The following PDE8B variants were observed in gnomAD, a reference collection of about 807,000 sequenced individuals.
The protein encoded by PDE8B is high affinity cAMP-specific and IBMX-insensitive 3',5'-cyclic phosphodiesterase 8B.
Under a neutral mutation model 101.3 loss-of-function variants are expected in PDE8B, and 26 were observed. The ratio of observed to expected loss-of-function variants is 0.26; its 90% confidence interval spans 0.19 to 0.36. The LOEUF is 0.36. Among genes scored for constraint, PDE8B ranks in the 10% least tolerant of loss-of-function variants. The pLI is 1.00. For missense variants in PDE8B, 810 were observed against 1,163.1 expected (o/e 0.70, Z 4.42); for synonymous variants, 424 against 429.3 (o/e 0.99, Z 0.15).
the PDE8B span, among the ~76,000 whole-genome samples, chr5:77,097,317 T>C: frequency 6.6e-6 from 1 of 152,102 alleles, no homozygotes; most frequent in Non-Finnish European, 1.5e-5. Flanking sequence ...TCAGAATTAC[T>C]TTTTTTGAGG....
rs947734517 is a variant in PDE8B, at chr5:77,425,706, G to T, written c.2419-61G>T. 5 of 1,551,012 alleles carry T rather than the reference G, an allele frequency of 3.2e-6. No homozygotes were observed. The African/African-American group carries it at 6.8e-5, about 21-fold the overall frequency. ...TTCACAGGGTTGTTCTGAGAAACAGGATATTACTGTGAAAGTGTCTCGCAT... is the reference window on the plus strand; with the variant it reads ...TTCACAGGGTTGTTCTGAGAAACAGTATATTACTGTGAAAGTGTCTCGCAT... On this transcript the variant is annotated intron_variant, in intron 20 of 21. Transcript: ENST00000264917.
At chr5:77,302,897 T>C (rs1231406910) in intron 1 of PDE8B, among the ~76,000 whole-genome samples, 3 of 152,144 alleles carry the variant, frequency 2.0e-5, no homozygotes, top group African/African-American at 7.2e-5. Context: ...CCTTTTGTCT[T>C]ATTGAGGCAC....
At chr5:77,201,847 A>T in the PDE8B span, among the ~76,000 whole-genome samples, 1 of 152,182 alleles carries the variant, frequency 6.6e-6, no homozygotes, top group Non-Finnish European at 1.5e-5. Flanking sequence ...TGACTTAAAC[A>T]ACAGAAACTT....
At chr5:77,317,504 G>C (rs1774018153) in intron 2 of PDE8B, among the ~76,000 whole-genome samples, 1 of 152,170 alleles carries the variant, frequency 6.6e-6, no homozygotes, top group Non-Finnish European at 1.5e-5. Flanking sequence ...AGCACAGTTA[G>C]GAGTGGAATG....
chr5:77,322,611 A>T (rs1176225108), intron 2 of PDE8B, among the ~76,000 whole-genome samples: 2 of 152,132 alleles, frequency 1.3e-5, no homozygotes, highest in Non-Finnish European at 2.9e-5. Context: ...TTTTCCTTCC[A>T]ACATAAACTG....
the PDE8B span, among the ~76,000 whole-genome samples, chr5:77,182,755 GC>G: frequency 7.2e-6 from 1 of 139,182 alleles, no homozygotes; most frequent in East Asian, 5.5e-4. Context: ...GATAAGCACT[GC>G]TTTTTTTTTT....
intron 10 of PDE8B, among the ~76,000 whole-genome samples, chr5:77,371,887 G>A (rs1378274844): frequency 1.3e-5 from 2 of 152,138 alleles, no homozygotes; most frequent in Non-Finnish European, 2.9e-5. Flanking sequence ...CTAAATGTTT[G>A]CTGCCAGTAC....
chr5:77,269,376 G>C (rs1269172293), intron 1 of PDE8B, among the ~76,000 whole-genome samples: 2 of 151,956 alleles, frequency 1.3e-5, no homozygotes, highest in African/African-American at 4.8e-5. Context: ...TGGTTATTAC[G>C]CTCTTGTCAG....
At chr5:77,278,762 G>A (rs1764358447) in intron 1 of PDE8B, among the ~76,000 whole-genome samples, 1 of 152,136 alleles carries the variant, frequency 6.6e-6, no homozygotes, top group African/African-American at 2.4e-5. Context: ...CCCAAAGAGA[G>A]ATACCTTTTT....
intron 10 of PDE8B, among the ~76,000 whole-genome samples, chr5:77,390,183 C>T (rs1789617832): frequency 6.6e-6 from 1 of 152,182 alleles, no homozygotes; most frequent in African/African-American, 2.4e-5. Context: ...ATCATGCACA[C>T]ATACACACAA....
chr5:77,418,002 C>T (rs934052050), intron 17 of PDE8B, among the ~76,000 whole-genome samples: 1 of 152,190 alleles, frequency 6.6e-6, no homozygotes, highest in African/African-American at 2.4e-5. Flanking sequence ...ATGAATTAAG[C>T]GTCTGCTGTA....
intron 13 of PDE8B, among the ~76,000 whole-genome samples, chr5:77,408,309 CAT>C (rs1793892183): frequency 6.6e-6 from 1 of 152,188 alleles, no homozygotes. Context: ...TAGAAAATGA[CAT>C]GAGATAGAAG....
chr5:77,174,402 C>T, the PDE8B span, among the ~76,000 whole-genome samples: 1 of 151,966 alleles, frequency 6.6e-6, no homozygotes, highest in Non-Finnish European at 1.5e-5. Flanking sequence ...CTATTCTTTC[C>T]TTTTTTTTCC....
chr5:77,380,859 A>T (rs1212870844), intron 10 of PDE8B, among the ~76,000 whole-genome samples: 2 of 152,220 alleles, frequency 1.3e-5, no homozygotes, highest in African/African-American at 4.8e-5. Context: ...ATGGGCAGGA[A>T]ATATCCGGGA....
At chr5:77,090,589 T>A in the PDE8B span, among the ~76,000 whole-genome samples, 1 of 152,234 alleles carries the variant, frequency 6.6e-6, no homozygotes, top group Non-Finnish European at 1.5e-5. Flanking sequence ...AAGATTTTTT[T>A]TCTATGAGTT....
the PDE8B span, among the ~76,000 whole-genome samples, chr5:77,110,953 A>T: frequency 1.3e-5 from 2 of 152,216 alleles, no homozygotes; most frequent in East Asian, 1.9e-4. Flanking sequence ...AAAATTCAAC[A>T]CCCCTTCATG....
chr5:77,217,394 T>C (rs1750017869), intron 1 of PDE8B, among the ~76,000 whole-genome samples: 1 of 152,150 alleles, frequency 6.6e-6, no homozygotes, highest in Non-Finnish European at 1.5e-5. Context: ...TATGTGCTTG[T>C]AAGGTTATAT....
chr5:77,411,531 A>T (rs1401526044), intron 14 of PDE8B, 145 bp from the exon 15 acceptor site: 1 of 698,106 alleles, frequency 1.4e-6, no homozygotes, highest in Non-Finnish European at 2.6e-6. Context: ...AACTGTTGTG[A>T]TTTAATTTTG....
intron 2 of PDE8B, among the ~76,000 whole-genome samples, chr5:77,321,856 A>G (rs1775146202): frequency 6.6e-6 from 1 of 152,226 alleles, no homozygotes; most frequent in Non-Finnish European, 1.5e-5. Context: ...TGCAACAGAT[A>G]CAGATTTTAT....
Sources: allele counts gnomAD v4.1 joint callset (sites outside exome capture counted in the v4.1 genomes callset), GRCh38; gene constraint gnomAD v4.1.1; transcripts MANE v1.5; gene names NCBI Gene and HGNC (gene_info 2026-07-23, HGNC 2026-07-21).